The following SH2B2 variants were observed in gnomAD, a reference collection of about 807,000 sequenced individuals.
SH2B2 encodes SH2B adaptor protein 2, also known as SH2B adapter protein 2.
In SH2B2, 37 loss-of-function variants were observed where a neutral mutation model predicts 35.7. That is an observed-to-expected ratio of 1.04 (90% confidence interval 0.80 to 1.36). SH2B2 has a LOEUF of 1.36. SH2B2 is among the 40% of genes most tolerant of loss of function. The pLI is 0.00. For synonymous variants in SH2B2, 383 were observed against 376.4 expected (o/e 1.02, Z -0.20); for missense variants, 852 against 817.7 (o/e 1.04, Z -0.51).
chr7:102,317,349 G>T lies in SH2B2; in HGVS notation c.1349G>T (p.Arg450Leu). ...GLFVIRQSET[R>L]PGEYVLTFNF... ...TTCGTGATCCGCCAAAGTGAGACTC[G>T]GCCTGGGGAGTACGTGCTGACCTTC... is the stretch of plus-strand genomic sequence containing the variant. Residue 450 changes from arginine (R) to leucine (L), a missense_variant, in exon 7 of 9, where the codon CGG (arginine) becomes CTG (leucine). Physicochemically the swap from Arg to Leu is moderately radical, Grantham distance 102. Coordinates refer to ENST00000444095, the MANE Select transcript of SH2B2 (RefSeq NM_001359228.2). 6.2e-6 allele frequency: 10 copies of T among 1,607,866 alleles called. No individual in the cohort carries two copies. Among genetic ancestry groups the T allele is most frequent in the Non-Finnish European group, 8.5e-6 (10 of 1,175,340 alleles).
At chr7:102,312,085 A>G (rs1180874743) in intron 4 of SH2B2, among the ~76,000 whole-genome samples, 3 of 150,222 alleles carry the variant, frequency 2.0e-5, no homozygotes, top group Non-Finnish European at 4.4e-5. Flanking sequence ...CAAAAAAAAA[A>G]AAAAAATCCC....
rs553810215 is a variant in SH2B2 at position 102,289,993 on chromosome 7, C to T, written c.-30+2899C>T. On this transcript the variant is annotated intron_variant, in intron 1 of 8. Coordinates refer to ENST00000444095, the MANE Select transcript of SH2B2 (RefSeq NM_001359228.2). ...AGGAGGCTGAGTCTGCCTCTTGAGCCCACAGGCCCTGGCTTAGCTTGTTGT... is the reference window on the plus strand; with the variant it reads ...AGGAGGCTGAGTCTGCCTCTTGAGCTCACAGGCCCTGGCTTAGCTTGTTGT... Among the ~76,000 whole-genome samples the T allele has an allele frequency of 1.2e-4, 18 of 152,200 alleles. No individual in the cohort carries two copies. The South Asian group carries it at 3.3e-3, about 28-fold the overall frequency.
At chr7:102,303,010 G>C (rs1238681797) in intron 2 of SH2B2, among the ~76,000 whole-genome samples, 7 of 152,208 alleles carry the variant, frequency 4.6e-5, no homozygotes, top group African/African-American at 1.7e-4. Flanking sequence ...GAGGCAGGTG[G>C]ATCACCTGAG....
Position 102,314,591 on chromosome 7 carries a change from C to G in SH2B2, c.1095C>G (p.Ala365=), listed in dbSNP as rs1020949843. ...CCCCCCACAGCCGAGGTCGAGATGC[C>G]GTCAGAGAATCCCTGATCCACGTCC... ...VTAPHSRGRD[A]VRESLIHVPL... is the part of the protein sequence containing the mutation. The change falls in exon 6 of 9, where the codon GCC becomes GCG. Residue 365 remains alanine (A), a synonymous_variant. Transcript: ENST00000444095. 1 of 398,466 alleles carries G rather than the reference C, an allele frequency of 2.5e-6. No individual in the cohort carries two copies. The highest frequency in any genetic ancestry group is 4.4e-5 in the Admixed American group (1 of 22,688). The allele number at this position is 398,466 out of a possible 1,614,324, so 24.7% of individuals were successfully genotyped here.
At chr7:102,317,063 CATT>C in intron 6 of SH2B2, 121 bp from the exon 7 acceptor site, 4 of 804,456 alleles carry the variant, frequency 5.0e-6, no homozygotes, top group Non-Finnish European at 7.5e-6. Context: ...ACTTTTTAAA[CATT>C]ATTCCAACAG....
chr7:102,317,080 T>G, intron 6 of SH2B2, 107 bp from the exon 7 acceptor site: 1 of 901,442 alleles, frequency 1.1e-6, no homozygotes, highest in Non-Finnish European at 1.6e-6. Context: ...CCAACAGCAT[T>G]TTGCATGTAA....
At chr7:102,285,436 G>A (rs547456856), upstream of SH2B2, among the ~76,000 whole-genome samples, 18 of 152,290 alleles carry the variant, frequency 1.2e-4, no homozygotes, top group South Asian at 3.5e-3. Context: ...AGCTCCGATC[G>A]AGGGCTGGCC....
At chr7:102,290,543 G>A (rs1319636514) in intron 1 of SH2B2, among the ~76,000 whole-genome samples, 1 of 152,144 alleles carries the variant, frequency 6.6e-6, no homozygotes, top group African/African-American at 2.4e-5. Flanking sequence ...GGGATTACAG[G>A]TGTGAGCCAC....
chr7:102,296,787 A>C (rs1792936023), intron 1 of SH2B2, among the ~76,000 whole-genome samples: 1 of 152,190 alleles, frequency 6.6e-6, no homozygotes, highest in Non-Finnish European at 1.5e-5. Flanking sequence ...ATTGTGATGG[A>C]AAGAAGCAAG....
At chr7:102,298,063 T>C (rs905417566) in intron 1 of SH2B2, among the ~76,000 whole-genome samples, 14 of 152,074 alleles carry the variant, frequency 9.2e-5, no homozygotes, top group African/African-American at 3.4e-4. Context: ...GCTGCTATGC[T>C]TCTGGGAGGG....
At position 102,300,810 on chromosome 7, in the gene SH2B2, C is replaced by A; in HGVS notation, c.260C>A (p.Thr87Asn). 1 of 1,488,918 alleles carries A rather than the reference C, an allele frequency of 6.7e-7. No individual in the cohort carries two copies. The highest frequency in any genetic ancestry group is 9.0e-7 in the Non-Finnish European group (1 of 1,115,280). 92.2% of individuals were successfully genotyped at this position (1,488,918 alleles called of 1,614,324 possible). Residue 87 changes from threonine to asparagine, a missense_variant, in exon 2 of 9, where the codon ACT becomes AAT. By Grantham distance (65) the Thr-to-Asn change is moderately conservative. Transcript: ENST00000444095. ...CGCGTGCTGGTGGCTGGGCCGACGA[C>A]TCGGGGCGCGGCCGTGAGCGCAGAG... ...VRRVLVAGPT[T>N]RGAAVSAEAM...
chr7:102,303,871 G>T (rs35353447), intron 2 of SH2B2, among the ~76,000 whole-genome samples: 3 of 150,224 alleles, frequency 2.0e-5, no homozygotes, highest in Non-Finnish European at 4.4e-5. Flanking sequence ...GCCCGCCCCC[G>T]CCCCACTCCA....
Position 102,321,594 on chromosome 7 carries a change from C to A in SH2B2, c.1863C>A (p.Arg621=). Residue 621 remains arginine (R), a synonymous_variant, in exon 9 of 9, where the codon CGC becomes CGA. Coordinates refer to ENST00000444095, the MANE Select transcript of SH2B2 (RefSeq NM_001359228.2). ...AGCCCCCGGAGGCCGCGCCCGGCCG[C>A]GCGCGCGCCGTGGAGAACCAGTACT... ...AEEPPEAAPG[R]ARAVENQYSF... is the part of the protein sequence containing the mutation. 8.6e-7 allele frequency: 1 copy of A among 1,159,166 alleles called. No individual in the cohort carries two copies. Among genetic ancestry groups the A allele is most frequent in the Non-Finnish European group, 1.1e-6 (1 of 942,330 alleles). 71.8% of individuals were successfully genotyped at this position (1,159,166 alleles called of 1,614,324 possible). A position where few individuals can be genotyped will look rare whatever the true frequency, so the allele number is the denominator to read the frequency against.
At chr7:102,304,278 G>A (rs1241834132) in intron 2 of SH2B2, among the ~76,000 whole-genome samples, 2 of 152,100 alleles carry the variant, frequency 1.3e-5, no homozygotes, top group African/African-American at 4.8e-5. Flanking sequence ...CCTTTGAGGT[G>A]CCAGCCCTGG....
At chr7:102,306,146 G>T (rs1248106882) in intron 2 of SH2B2, among the ~76,000 whole-genome samples, 3 of 152,038 alleles carry the variant, frequency 2.0e-5, no homozygotes, top group Non-Finnish European at 4.4e-5. Flanking sequence ...GAGTGCAATG[G>T]CGCAATCTCA....
upstream of SH2B2, chr7:102,286,792 G>A (rs1792467640): frequency 8.0e-6 from 1 of 125,600 alleles, no homozygotes. Context: ...CGCGCGAGGG[G>A]GGGCGGGGCC....
intron 3 of SH2B2, 112 bp from the exon 4 acceptor site, chr7:102,308,703 C>T (rs1793496373): frequency 3.8e-6 from 3 of 793,246 alleles, no homozygotes; most frequent in African/African-American, 3.4e-5. Flanking sequence ...TGCCCTTGAG[C>T]CCTGCTGTGG....
chr7:102,310,276 A>AT (rs1202782465), intron 4 of SH2B2, among the ~76,000 whole-genome samples: 31 of 152,196 alleles, frequency 2.0e-4, no homozygotes, highest in African/African-American at 6.8e-4. Context: ...AGACTGTGCC[A>AT]TTGCACTCCA....
intron 2 of SH2B2, among the ~76,000 whole-genome samples, chr7:102,304,929 G>T (rs571679961): frequency 1.3e-5 from 2 of 152,358 alleles, no homozygotes; most frequent in Admixed American, 6.5e-5. Flanking sequence ...TCCTAAGAAA[G>T]TTCCTGTCCT....
Sources: allele counts gnomAD v4.1 joint callset (sites outside exome capture counted in the v4.1 genomes callset), GRCh38; gene constraint gnomAD v4.1.1; transcripts MANE v1.5; gene names NCBI Gene and HGNC (gene_info 2026-07-23, HGNC 2026-07-21).